The following TRAM2 variants were observed in gnomAD, a reference collection of about 807,000 sequenced individuals.
The protein encoded by TRAM2 is translocating chain-associated membrane protein 2.
Under a neutral mutation model 51.0 loss-of-function variants are expected in TRAM2, and 12 were observed. The observed-to-expected ratio is 0.24, with a 90% CI of 0.15 to 0.38. The LOEUF is 0.38. TRAM2 is among the 10% of genes least tolerant of loss of function. TRAM2 has a pLI of 1.00. For synonymous variants in TRAM2, 175 were observed against 179.4 expected (o/e 0.98, Z 0.20); for missense variants, 361 against 462.0 (o/e 0.78, Z 2.00).
chr6:52,528,259 C>A (rs528168197), intron 2 of TRAM2, among the ~76,000 whole-genome samples: 3 of 152,080 alleles, frequency 2.0e-5, no homozygotes, highest in Admixed American at 6.6e-5. Context: ...ATAAAAGGAG[C>A]AGGCCAGACT....
At chr6:52,513,669 A>T (rs924441289) in intron 4 of TRAM2, among the ~76,000 whole-genome samples, 2 of 152,218 alleles carry the variant, frequency 1.3e-5, no homozygotes, top group African/African-American at 2.4e-5. Flanking sequence ...CAGAACAGCC[A>T]GGCCAAAAGT....
intron 2 of TRAM2, chr6:52,522,840 T>C (rs899451907): frequency 1.0e-5 from 7 of 696,176 alleles, no homozygotes; most frequent in East Asian, 5.4e-5. Context: ...GACCTCCTGC[T>C]CCGTTTCCTA....
intron 3 of TRAM2, 136 bp from the exon 4 acceptor site, chr6:52,516,258 G>A: frequency 1.3e-6 from 1 of 798,736 alleles, no homozygotes; most frequent in Non-Finnish European, 2.1e-6. Flanking sequence ...CAAGTCATTT[G>A]GTGTAAGCCT....
chr6:52,508,603 C>A (rs115450861), intron 5 of TRAM2, among the ~76,000 whole-genome samples: 4 of 152,220 alleles, frequency 2.6e-5, no homozygotes, highest in Non-Finnish European at 4.4e-5. Flanking sequence ...AATCCTTCAG[C>A]CTTGAGGAGG....
At chr6:52,534,616 G>A (rs1304059215) in intron 2 of TRAM2, among the ~76,000 whole-genome samples, 1 of 152,124 alleles carries the variant, frequency 6.6e-6, no homozygotes, top group African/African-American at 2.4e-5. Flanking sequence ...TGACCCGCAT[G>A]GTGTTTGCAG....
chr6:52,552,426 A>G (rs1767325195), intron 1 of TRAM2, among the ~76,000 whole-genome samples: 1 of 152,224 alleles, frequency 6.6e-6, no homozygotes, highest in African/African-American at 2.4e-5. Flanking sequence ...ATGGCTGTAC[A>G]TATATTACTA....
chr6:52,564,261 C>A (rs1170827248), intron 1 of TRAM2, among the ~76,000 whole-genome samples: 2 of 152,170 alleles, frequency 1.3e-5, no homozygotes, highest in Non-Finnish European at 2.9e-5. Flanking sequence ...TGCCAGTGAC[C>A]TTGCTAGTAC....
chr6:52,535,749 G>A, intron 2 of TRAM2, 34 bp downstream of exon 2: 1 of 1,591,716 alleles, frequency 6.3e-7, no homozygotes, highest in Non-Finnish European at 8.6e-7. Context: ...AGGGTTAACA[G>A]GGCCAGGAGA....
chr6:52,503,565 A>G (rs1248125521), intron 10 of TRAM2, among the ~76,000 whole-genome samples: 3 of 152,148 alleles, frequency 2.0e-5, no homozygotes, highest in Non-Finnish European at 4.4e-5. Context: ...CAGCAACAAC[A>G]GAGGCCAGCC....
chr6:52,542,050 A>T (rs528980169), intron 1 of TRAM2, among the ~76,000 whole-genome samples: 68 of 152,186 alleles, frequency 4.5e-4, no homozygotes, highest in Non-Finnish European at 8.7e-4. Context: ...GGGTAAAGCC[A>T]AGTGACAGGT....
chr6:52,507,668 T>G (rs762661038), intron 6 of TRAM2, 45 bp from the exon 7 acceptor site: 5 of 1,596,410 alleles, frequency 3.1e-6, no homozygotes, highest in Non-Finnish European at 3.4e-6. Context: ...ATTCCCTAAC[T>G]GAAGATTCAG....
At chr6:52,506,946 G>A (rs1766361129) in intron 7 of TRAM2, among the ~76,000 whole-genome samples, 2 of 152,228 alleles carry the variant, frequency 1.3e-5, no homozygotes, top group South Asian at 4.1e-4. Flanking sequence ...TAGAGAAAGT[G>A]TGGGGTGCTT....
intron 2 of TRAM2, chr6:52,524,169 G>A (rs1157690866): frequency 6.6e-6 from 1 of 152,248 alleles, no homozygotes; most frequent in East Asian, 1.9e-4. Flanking sequence ...AAGCTGGGGT[G>A]CTGTATCTTG....
At chr6:52,517,014 C>G (rs1766564269) in intron 2 of TRAM2, 1 of 394,540 alleles carries the variant, frequency 2.5e-6, no homozygotes, top group East Asian at 5.2e-5. Flanking sequence ...GTGGTTATAA[C>G]AGAGCCAGGG....
At chr6:52,550,144 G>C (rs1030234500) in intron 1 of TRAM2, among the ~76,000 whole-genome samples, 2 of 152,186 alleles carry the variant, frequency 1.3e-5, no homozygotes, top group African/African-American at 4.8e-5. Context: ...GAGCATGAAA[G>C]GGGTATTCAT....
chr6:52,575,571 C>T (rs1767749211), intron 1 of TRAM2, among the ~76,000 whole-genome samples: 1 of 152,180 alleles, frequency 6.6e-6, no homozygotes, highest in African/African-American at 2.4e-5. Context: ...ACGTTCCCAG[C>T]TTGAGGGCAG....
At position 52,506,073 on chromosome 6, in the gene TRAM2, C is replaced by G; in HGVS notation, c.690G>C (p.Thr230=). The G allele has an allele frequency of 6.2e-7, 1 of 1,614,138 alleles. No homozygotes were observed. Among genetic ancestry groups the G allele is most frequent in the Non-Finnish European group, 8.5e-7 (1 of 1,180,026 alleles). Residue 230 remains threonine (T), a synonymous_variant, in exon 8 of 11, where the codon ACG becomes ACC. Transcript: ENST00000182527. ...CATCTGCAAAGTAGAAGAGTCTAGC[C>G]GTGTGGAAGAGGAACTCAGTTGAGT... ...LQYSTEFLFH[T]ARLFYFADEN... is the part of the protein sequence containing the mutation.
chr6:52,534,498 G>A (rs1562482276), intron 2 of TRAM2, among the ~76,000 whole-genome samples: 1 of 152,176 alleles, frequency 6.6e-6, no homozygotes, highest in Non-Finnish European at 1.5e-5. Context: ...ACTGAGAAAG[G>A]AGCGATACTC....
chr6:52,569,624 A>G (rs1231083994), intron 1 of TRAM2, among the ~76,000 whole-genome samples: 1 of 151,748 alleles, frequency 6.6e-6, no homozygotes, highest in Non-Finnish European at 1.5e-5. Flanking sequence ...ATCAACAGCA[A>G]TGGCTCGAGG....
Sources: allele counts gnomAD v4.1 joint callset (sites outside exome capture counted in the v4.1 genomes callset), GRCh38; gene constraint gnomAD v4.1.1; transcripts MANE v1.5; gene names NCBI Gene and HGNC (gene_info 2026-07-23, HGNC 2026-07-21).